PARD3B: variants seen among roughly 807,000 people sequenced by gnomAD.
PARD3B encodes par-3 family cell polarity regulator beta, also known as partitioning defective 3 homolog B.
PARD3B carries 103 observed loss-of-function variants against 130.2 expected under a neutral mutation model. That is an observed-to-expected ratio of 0.79 (90% CI 0.67 to 0.93). The LOEUF is 0.93. PARD3B is among the 40% of genes least tolerant of loss of function. The pLI is 0.00. For missense variants in PARD3B, 1,609 were observed against 1,499.2 expected (o/e 1.07, Z -1.21); for synonymous variants, 583 against 553.2 (o/e 1.05, Z -0.76).
chr2:205,157,222 G>C (rs916778101), intron 10 of PARD3B, among the ~76,000 whole-genome samples: 1 of 152,150 alleles, frequency 6.6e-6, no homozygotes, highest in Non-Finnish European at 1.5e-5. Context: ...TCTAAATTGG[G>C]CATTTTGAAA....
At chr2:205,577,967 T>C (rs1169862696) in intron 22 of PARD3B, among the ~76,000 whole-genome samples, 1 of 152,252 alleles carries the variant, frequency 6.6e-6, no homozygotes, top group Non-Finnish European at 1.5e-5. Flanking sequence ...GAAAGCAGTT[T>C]AGGCTGCAGG....
At chr2:204,715,799 A>C (rs1460990871) in intron 2 of PARD3B, among the ~76,000 whole-genome samples, 1 of 152,120 alleles carries the variant, frequency 6.6e-6, no homozygotes, top group Non-Finnish European at 1.5e-5. Context: ...ATCTTCTGTG[A>C]ATCTGCCCTG....
chr2:204,828,306 C>T (rs942651860), intron 2 of PARD3B, among the ~76,000 whole-genome samples: 1 of 152,098 alleles, frequency 6.6e-6, no homozygotes, highest in Non-Finnish European at 1.5e-5. Flanking sequence ...TGCTTCCTTT[C>T]AATCTCCTTT....
At chr2:205,037,508 C>T (rs1488179564) in intron 3 of PARD3B, among the ~76,000 whole-genome samples, 1 of 146,226 alleles carries the variant, frequency 6.8e-6, no homozygotes, top group Non-Finnish European at 1.5e-5. Context: ...ATATAGTGGA[C>T]TATATATATA....
intron 2 of PARD3B, among the ~76,000 whole-genome samples, chr2:204,880,387 C>T (rs1207368346): frequency 1.3e-5 from 2 of 151,968 alleles, no homozygotes; most frequent in African/African-American, 2.4e-5. Flanking sequence ...AGTGGTCGAG[C>T]GCGGTGGCTC....
chr2:204,897,889 A>G (rs1559238409), intron 2 of PARD3B, among the ~76,000 whole-genome samples: 1 of 151,646 alleles, frequency 6.6e-6, no homozygotes, highest in Non-Finnish European at 1.5e-5. Flanking sequence ...AAAAAAAAAA[A>G]CCCTAAAATA....
chr2:205,370,773 C>T (rs1355091554), intron 18 of PARD3B, among the ~76,000 whole-genome samples: 1 of 152,192 alleles, frequency 6.6e-6, no homozygotes, highest in East Asian at 1.9e-4. Context: ...AAGAAGAGCA[C>T]TTTAAGTGCA....
intron 16 of PARD3B, among the ~76,000 whole-genome samples, chr2:205,262,372 C>CT (rs2040347882): frequency 6.6e-6 from 1 of 151,946 alleles, no homozygotes; most frequent in South Asian, 2.1e-4. Context: ...TTTCTCTGTG[C>CT]TTTTTTCTCC....
At chr2:205,179,247 CA>C (rs1263035192) in intron 13 of PARD3B, among the ~76,000 whole-genome samples, 1 of 152,078 alleles carries the variant, frequency 6.6e-6, no homozygotes, top group Non-Finnish European at 1.5e-5. Context: ...TAAAAAGATT[CA>C]AAAAGTTAAA....
At chr2:205,598,997 G>A (rs1364476380) in intron 22 of PARD3B, among the ~76,000 whole-genome samples, 1 of 152,124 alleles carries the variant, frequency 6.6e-6, no homozygotes, top group Non-Finnish European at 1.5e-5. Flanking sequence ...AGCACTAAAT[G>A]CCTACATCAA....
chr2:205,035,010 G>A (rs949352273), intron 3 of PARD3B, among the ~76,000 whole-genome samples: 5 of 151,828 alleles, frequency 3.3e-5, no homozygotes, highest in South Asian at 2.1e-4. Flanking sequence ...GCATGCGTGC[G>A]CCACCACGCC....
At chr2:205,186,449 T>G (rs533692150) in intron 14 of PARD3B, among the ~76,000 whole-genome samples, 44 of 152,302 alleles carry the variant, frequency 2.9e-4, no homozygotes, top group Non-Finnish European at 4.1e-4. Context: ...AATTCATAGA[T>G]TTTGTTCTTC....
Position 204,559,509 on chromosome 2 carries a change from G to A in PARD3B, c.120+13390G>A, listed in dbSNP as rs1414288862. ...GTGAGATACCATCTCACACCAGTTA[G>A]AATGGCATCATTAAAAAGTCAGGAA... On this transcript the variant is annotated intron_variant, in intron 1 of 22. Transcript: ENST00000406610. 2.6e-5 allele frequency among the ~76,000 whole-genome samples: 4 copies of A among 152,206 alleles called. No homozygotes were observed. The East Asian group carries it at 7.7e-4, about 29-fold the overall frequency.
At chr2:204,879,642 A>G (rs2045965384) in intron 2 of PARD3B, among the ~76,000 whole-genome samples, 1 of 152,212 alleles carries the variant, frequency 6.6e-6, no homozygotes, top group Admixed American at 6.5e-5. Flanking sequence ...TTGTGGGGGT[A>G]TAGTGCAAGA....
At chr2:204,812,444 A>C (rs1171284009) in intron 2 of PARD3B, among the ~76,000 whole-genome samples, 1 of 152,162 alleles carries the variant, frequency 6.6e-6, no homozygotes, top group East Asian at 1.9e-4. Context: ...TAGACGGCCA[A>C]GTGGGCTACT....
rs1346992806 is a variant in PARD3B at position 205,142,469 on chromosome 2, C to T, written c.1435-16253C>T. On this transcript the variant is annotated intron_variant, in intron 10 of 22. Coordinates refer to ENST00000406610, the MANE Select transcript of PARD3B (RefSeq NM_001302769.2). The surrounding 1 kb of genome is among the most constrained non-coding windows in gnomAD (Gnocchi z 4.3). ...AGTGTCAACAAAACATGTATGAAGT[C>T]ATCGCATAACGAATACTTACTAGAT... 6.6e-6 allele frequency among the ~76,000 whole-genome samples: 1 copy of T among 152,090 alleles called. No individual in the cohort carries two copies. Among genetic ancestry groups the T allele is most frequent in the Non-Finnish European group, 1.5e-5 (1 of 68,012 alleles).
At chr2:205,453,868 G>A (rs2048184738) in intron 20 of PARD3B, among the ~76,000 whole-genome samples, 1 of 152,094 alleles carries the variant, frequency 6.6e-6, no homozygotes, top group South Asian at 2.1e-4. Flanking sequence ...CTGAGTATTG[G>A]CACATGATGC....
intron 20 of PARD3B, among the ~76,000 whole-genome samples, chr2:205,487,674 G>A (rs1255525467): frequency 6.6e-6 from 1 of 152,208 alleles, no homozygotes; most frequent in Non-Finnish European, 1.5e-5. Flanking sequence ...GAGGAAGAAG[G>A]AATGTCATGG....
chr2:205,277,979 A>G (rs1054853915), intron 16 of PARD3B, among the ~76,000 whole-genome samples: 11 of 152,170 alleles, frequency 7.2e-5, no homozygotes, highest in African/African-American at 2.7e-4. Flanking sequence ...GGGCACTGGT[A>G]CCAGAGACCA....
Sources: gnomAD v4.1 joint callset for allele counts (sites outside exome capture counted in the v4.1 genomes callset) on GRCh38, gnomAD v4.1.1 for gene constraint, Gnocchi (gnomAD v3.1) non-coding constraint, MANE v1.5 for transcripts, NCBI Gene and HGNC (gene_info 2026-07-23, HGNC 2026-07-21) for gene names.